COL4A4: variants seen among roughly 807,000 people sequenced by gnomAD.
COL4A4 encodes the protein collagen type IV alpha 4 chain, also known as collagen alpha-4(IV) chain.
A neutral mutation model predicts 192.9 loss-of-function variants in COL4A4; 105 were observed. The observed-to-expected ratio is 0.54, with a 90% confidence interval of 0.46 to 0.64. COL4A4 has a LOEUF of 0.64. COL4A4 is among the 30% of genes least tolerant of loss of function. The pLI, the probability that COL4A4 is intolerant of heterozygous loss-of-function variation, is 0.00. For missense variants in COL4A4, 1,967 were observed against 2,169.3 expected, an observed-to-expected ratio of 0.91 and a Z score of 1.85; for synonymous variants, 762 against 769.9, an observed-to-expected ratio of 0.99 and a Z score of 0.17.
At chr2:226,971,292 G>T in the COL4A4 span, among the ~76,000 whole-genome samples, 3 of 152,194 alleles carry the variant, frequency 2.0e-5, no homozygotes, top group African/African-American at 7.2e-5. Context: ...GTGAGAGAAG[G>T]AATAGAAGAA....
chr2:227,086,537 A>G (rs62226769), intron 22 of COL4A4, among the ~76,000 whole-genome samples: 12,444 of 151,800 alleles, frequency 0.082, 524 homozygotes, highest in East Asian at 0.18. Context: ...TATGACCACA[A>G]TGTAATGAAT....
Position 227,007,488 on chromosome 2 carries a change from C to T in COL4A4, c.4910G>A (p.Arg1637Gln), listed in dbSNP as rs937092831. ...TGCGAAAAAGTGGCAAGTTCCCTGCCGGCCCTGGCATTCAAGGAATGGTGC... is the reference window on the plus strand; with the variant it reads ...TGCGAAAAAGTGGCAAGTTCCCTGCTGGCCCTGGCATTCAAGGAATGGTGC... ...RAAPFLECQG[R>Q]QGTCHFFANK... Residue 1637 changes from arginine to glutamine, a missense_variant, in exon 48 of 48, where the codon CGG (arginine) becomes CAG (glutamine). Coordinates refer to ENST00000396625, the MANE Select transcript of COL4A4 (RefSeq NM_000092.5). 16 of 1,614,026 alleles carry T rather than the reference C, an allele frequency of 9.9e-6. No individual in the cohort carries two copies. The Admixed American group carries it at 1.2e-4, about 12-fold the overall frequency.
rs553403465 is a variant in COL4A4 at position 227,054,156 on chromosome 2, A to G, written c.2860+438T>C. Among the ~76,000 whole-genome samples, 268 of 152,312 alleles carry G rather than the reference A, an allele frequency of 1.8e-3. 2 individuals are homozygous for G. Among genetic ancestry groups the G allele is most frequent in the Middle Eastern group, 6.8e-3 (2 of 294 alleles). ...TTCTGTGTTGTCTATGTCTGCTTTC[A>G]TGCTACAAAAGCAGACTTGAGTCGT... is the stretch of plus-strand genomic sequence containing the variant. On this transcript the variant is annotated intron_variant, in intron 31 of 47. Transcript: ENST00000396625.
intron 44 of COL4A4, among the ~76,000 whole-genome samples, chr2:227,012,632 C>CAAAAAAAA (rs61163440): frequency 2.7e-5 from 3 of 110,262 alleles, no homozygotes; most frequent in Admixed American, 9.6e-5. Flanking sequence ...TATTTGACTT[C>CAAAAAAAA]AAAAAAAAAA....
At chr2:227,147,319 G>T in intron 2 of COL4A4, 94 bp downstream of exon 2, 1 of 1,226,034 alleles carries the variant, frequency 8.2e-7, no homozygotes, top group Non-Finnish European at 1.2e-6. Context: ...TTGGCTTTTT[G>T]ACATATTAAG....
chr2:226,984,132 G>A, the COL4A4 span, among the ~76,000 whole-genome samples: 2 of 152,234 alleles, frequency 1.3e-5, no homozygotes, highest in Non-Finnish European at 2.9e-5. Context: ...TCTGTTCACC[G>A]CTCTGATCAC....
intron 19 of COL4A4, among the ~76,000 whole-genome samples, chr2:227,095,257 G>A (rs12989872): frequency 0.77 from 116,929 of 152,144 alleles, 45,122 homozygotes; most frequent in South Asian, 0.82. Flanking sequence ...ATAGACTCAC[G>A]TAATCATCTA....
the COL4A4 span, chr2:226,997,335 A>G: frequency 3.3e-5 from 5 of 152,214 alleles, no homozygotes; most frequent in African/African-American, 1.2e-4. Flanking sequence ...AATTAGAAGT[A>G]ACTTCTTTGT....
chr2:226,981,626 G>T, the COL4A4 span, among the ~76,000 whole-genome samples: 4 of 152,084 alleles, frequency 2.6e-5, no homozygotes, highest in African/African-American at 9.6e-5. Flanking sequence ...TTGGGAGAGG[G>T]ATAATGAGTT....
In COL4A4 at chr2:227,099,707, T is replaced by A. The variant is rs772361020; in HGVS notation, c.1030-18A>T. 1.2e-6 allele frequency: 2 copies of A among 1,612,044 alleles called. No individual in the cohort carries two copies. Among genetic ancestry groups the A allele is most frequent in the Non-Finnish European group, 1.7e-6 (2 of 1,178,350 alleles). ...GGATCCCCCTGAAATCATTCATTCA[T>A]TCACTTTTTAAAGGAATATTAATTT... On this transcript the variant is annotated intron_variant, in intron 17 of 47. Transcript: ENST00000396625.
chr2:227,109,472 G>GGT (rs1174940573), intron 9 of COL4A4, 186 bp from the exon 10 acceptor site: 15 of 706,980 alleles, frequency 2.1e-5, no homozygotes, highest in Middle Eastern at 2.3e-4. Flanking sequence ...AAGCAGTCCG[G>GGT]GCACGGTGGT....
chr2:227,007,696 T>C (rs1022945072), intron 47 of COL4A4, 108 bp from the exon 48 acceptor site: 3 of 1,437,154 alleles, frequency 2.1e-6, no homozygotes, highest in Non-Finnish European at 1.9e-6. Flanking sequence ...TTTCCTTAGA[T>C]TATTCCATAA....
chr2:226,985,634 C>T, the COL4A4 span, among the ~76,000 whole-genome samples: 2 of 152,238 alleles, frequency 1.3e-5, no homozygotes, highest in Admixed American at 6.5e-5. Flanking sequence ...CGGAGTCACC[C>T]GGGAGCTCAT....
At chr2:227,033,013 T>C (rs1476449058) in intron 38 of COL4A4, among the ~76,000 whole-genome samples, 1 of 152,222 alleles carries the variant, frequency 6.6e-6, no homozygotes, top group African/African-American at 2.4e-5. Context: ...CATAAAAGGA[T>C]GCTATTAGTA....
chr2:227,138,926 C>G (rs59904869), intron 4 of COL4A4, among the ~76,000 whole-genome samples: 14,105 of 152,182 alleles, frequency 0.093, 2,116 homozygotes, highest in African/African-American at 0.32. Flanking sequence ...TCATGCACAG[C>G]CCCCTACAAT....
intron 43 of COL4A4, chr2:227,022,643 C>T (rs1035087882): frequency 1.5e-5 from 7 of 479,054 alleles, no homozygotes; most frequent in African/African-American, 1.4e-4. Flanking sequence ...GTGTCAGTCA[C>T]TAACATAGAA....
chr2:227,077,414 T>C (rs1455397232), intron 25 of COL4A4, among the ~76,000 whole-genome samples: 1 of 152,154 alleles, frequency 6.6e-6, no homozygotes, highest in Non-Finnish European at 1.5e-5. Context: ...CACCGCATGT[T>C]CTCGCTCATA....
At chr2:226,977,986 T>C in the COL4A4 span, among the ~76,000 whole-genome samples, 3 of 152,264 alleles carry the variant, frequency 2.0e-5, no homozygotes, top group Non-Finnish European at 2.9e-5. Flanking sequence ...CTCTATAGTA[T>C]TTAAAGCTAT....
intron 37 of COL4A4, among the ~76,000 whole-genome samples, chr2:227,041,870 GAAAGAAAGAA>G: frequency 7.4e-6 from 1 of 135,202 alleles, no homozygotes; most frequent in African/African-American, 3.1e-5. Flanking sequence ...AAGAAAGAAA[GAAAGAAAGAA>G]AGAAAGAAAG....
Sources: gnomAD v4.1 joint callset for allele counts (sites outside exome capture counted in the v4.1 genomes callset) on GRCh38, gnomAD v4.1.1 for gene constraint, MANE v1.5 for transcripts, NCBI Gene and HGNC (gene_info 2026-07-23, HGNC 2026-07-21) for gene names.